The following ETV2 variants were observed in gnomAD, a reference collection of about 807,000 sequenced individuals.
ETV2 encodes the protein ETS variant transcription factor 2.
Under a neutral mutation model 35.7 loss-of-function variants are expected in ETV2, and 34 were observed. The observed-to-expected ratio is 0.95, with a 90% confidence interval of 0.72 to 1.27. The LOEUF (loss-of-function observed/expected upper bound fraction) is 1.27, where lower values mean the gene tolerates loss of function less well. Among genes scored for constraint, ETV2 ranks in the 50% most tolerant of loss-of-function variants. The probability of loss-of-function intolerance (pLI) is 0.00; values close to 1 mark genes in which losing one functional copy is unlikely to be tolerated. For synonymous variants in ETV2, 207 were observed against 203.9 expected (o/e 1.02, Z -0.13); for missense variants, 512 against 470.5 (o/e 1.09, Z -0.82).
chr19:35,644,430 C>A lies in ETV2; in HGVS notation c.828+83C>A. ...TCCGCCCAAGGGCTAGGTTCAACCG[C>A]GTAGCCCTCGGCCCCGCCGCTCCCC... is the stretch of plus-strand genomic sequence containing the variant. On this transcript the variant is annotated intron_variant, in intron 6 of 6. Coordinates refer to ENST00000402764, the MANE Select transcript of ETV2 (RefSeq NM_014209.4). The surrounding 1 kb of genome is among the most constrained non-coding windows in gnomAD (Gnocchi z 4.7). 9.6e-7 allele frequency: 1 copy of A among 1,036,328 alleles called. No homozygotes were observed. The highest frequency in any genetic ancestry group is 1.4e-6 in the Non-Finnish European group (1 of 698,974). 64.2% of individuals were successfully genotyped at this position (1,036,328 alleles called of 1,614,324 possible).
chr19:35,644,574 C>A lies in ETV2; in HGVS notation c.829-78C>A. ...GCCTCGCCCAGGTCTGCACTGCACA[C>A]CGCCCCCAGGCCCGGCCCTCCCCAC... On this transcript the variant is annotated intron_variant, in intron 6 of 6. Transcript: ENST00000402764. This position sits in a 1 kb window ranked among gnomAD's most constrained non-coding sequence, Gnocchi z 4.7. 1 of 1,413,016 alleles carries A rather than the reference C, an allele frequency of 7.1e-7. No homozygotes were observed. The highest frequency in any genetic ancestry group is 9.6e-7 in the Non-Finnish European group (1 of 1,046,502). 87.5% of individuals were successfully genotyped at this position (1,413,016 alleles called of 1,614,324 possible).
In ETV2 at chr19:35,641,802, T is replaced by A. The variant is rs1174630386; in HGVS notation, c.-382T>A. On this transcript the variant is annotated 5_prime_UTR_variant, in exon 1 of 7. It removes an upstream start codon present in the reference 5' UTR. Coordinates refer to ENST00000402764, the MANE Select transcript of ETV2 (RefSeq NM_014209.4). Reference sequence around the variant, plus strand: ...AGACCCTCTCCCCTCACTCCCCCCATGTCGCAGGATCGAGACCCTGAGGCA... The same window carrying A: ...AGACCCTCTCCCCTCACTCCCCCCAAGTCGCAGGATCGAGACCCTGAGGCA... The A allele has an allele frequency of 5.9e-5, 9 of 151,966 alleles. No homozygotes were observed. Among genetic ancestry groups the A allele is most frequent in the African/African-American group, 2.2e-4 (9 of 41,338 alleles). 9.4% of individuals were successfully genotyped at this position (151,966 alleles called of 1,614,324 possible).
In ETV2 at chr19:35,642,349, A is replaced by G; in HGVS notation, c.-27-85A>G. 1.4e-6 allele frequency: 1 copy of G among 690,770 alleles called. No individual in the cohort carries two copies. The highest frequency in any genetic ancestry group is 2.4e-6 in the Non-Finnish European group (1 of 415,388). 42.8% of individuals were successfully genotyped at this position (690,770 alleles called of 1,614,324 possible). ...GCGGAGGCCTGGACTCCTGGCTCTG[A>G]GGGAAGCTAGGGCTGGGGCCCAGAC... On this transcript the variant is annotated intron_variant, in intron 1 of 6. Coordinates refer to ENST00000402764, the MANE Select transcript of ETV2 (RefSeq NM_014209.4). This position sits in a 1 kb window ranked among gnomAD's most constrained non-coding sequence, Gnocchi z 4.4.
In ETV2 at chr19:35,644,789, C is replaced by A; in HGVS notation, c.966C>A (p.Gly322=). ...GGRKYTYRFG[G]RVPSLAYPDC... ...GAAAGTACACGTACCGCTTCGGGGG[C>A]CGCGTGCCCAGCCTAGCCTATCCGG... The change falls in exon 7 of 7, where the codon GGC becomes GGA. Residue 322 remains glycine (G), a synonymous_variant. Coordinates refer to ENST00000402764, the MANE Select transcript of ETV2 (RefSeq NM_014209.4). The surrounding 1 kb of genome is among the most constrained non-coding windows in gnomAD (Gnocchi z 4.7). 6.2e-7 allele frequency: 1 copy of A among 1,611,720 alleles called. No homozygotes were observed. Among genetic ancestry groups the A allele is most frequent in the Non-Finnish European group, 8.5e-7 (1 of 1,179,140 alleles).
Position 35,643,038 on chromosome 19 carries a change from G to A in ETV2, c.228G>A (p.Trp76Ter), listed in dbSNP as rs1423997734. The A allele has an allele frequency of 1.9e-6, 3 of 1,562,752 alleles. No homozygotes were observed. In the Admixed American group the frequency reaches 5.8e-5, roughly 30 times the overall value. ...CGTTACTGCACCCAGAAGTTCCATG[G>A]GGGGCGGGTGAGTGTGGGGAGAGGC... ...GSALLHPEVP[W>*]GAEPDSQALP... is the part of the protein sequence containing the mutation. Residue 76 changes from tryptophan to a stop codon, truncating the protein, a stop_gained, in exon 4 of 7, where the codon TGG (tryptophan) becomes TGA (stop). Coordinates refer to ENST00000402764, the MANE Select transcript of ETV2 (RefSeq NM_014209.4). LOFTEE classifies it high-confidence loss of function. This position sits in a 1 kb window ranked among gnomAD's most constrained non-coding sequence, Gnocchi z 5.0.
rs1427207501 is a variant in ETV2 at position 35,642,963 on chromosome 19, A to G, written c.155-2A>G. On this transcript the variant is annotated splice_acceptor_variant, in intron 3 of 6. Transcript: ENST00000402764. LOFTEE classifies it high-confidence loss of function. This position sits in a 1 kb window ranked among gnomAD's most constrained non-coding sequence, Gnocchi z 4.4. ...ATTGCTCACAGTCCTCCCTAAACTC[A>G]GGTACAAGCTCATCCCTGGCAAGCT... 6.4e-7 allele frequency: 1 copy of G among 1,555,432 alleles called. No individual in the cohort carries two copies. Among genetic ancestry groups the G allele is most frequent in the East Asian group, 2.3e-5 (1 of 42,778 alleles).
Position 35,644,716 on chromosome 19 carries a change from G to A in ETV2, c.893G>A (p.Gly298Asp). 1 of 1,605,750 alleles carries A rather than the reference G, an allele frequency of 6.2e-7. No individual in the cohort carries two copies. The highest frequency in any genetic ancestry group is 8.5e-7 in the Non-Finnish European group (1 of 1,175,456). Residue 298 changes from glycine to aspartate, a missense_variant, in exon 7 of 7, where the codon GGC (glycine) becomes GAC (aspartate). Transcript: ENST00000402764. This position sits in a 1 kb window ranked among gnomAD's most constrained non-coding sequence, Gnocchi z 4.7. Reference protein sequence around the residue: ...PGMNYEKLSRGLRYYYRRDIV... With the variant: ...PGMNYEKLSRDLRYYYRRDIV... Reference sequence around the variant, plus strand: ...ATGAATTACGAGAAGCTGAGCCGGGGCCTTCGCTACTACTATCGCCGCGAC... The same window carrying A: ...ATGAATTACGAGAAGCTGAGCCGGGACCTTCGCTACTACTATCGCCGCGAC...
At position 35,642,540 on chromosome 19, in the gene ETV2, C is replaced by G. The variant is rs532601843; in HGVS notation, c.70+10C>G. On this transcript the variant is annotated intron_variant, in intron 2 of 6. Transcript: ENST00000402764. This position sits in a 1 kb window ranked among gnomAD's most constrained non-coding sequence, Gnocchi z 4.4. ...AAGCTGGCAGGGCTTGGTAGGCTGC[C>G]GAGGCTGCCACAACGTGTGTGGGGA... 6.2e-7 allele frequency: 1 copy of G among 1,612,554 alleles called. No homozygotes were observed. The highest frequency in any genetic ancestry group is 8.5e-7 in the Non-Finnish European group (1 of 1,179,622).
Position 35,644,300 on chromosome 19 carries a change from C to A in ETV2, c.781C>A (p.Arg261Ser). The part of the protein sequence containing the change: ...LHDGARSSCI[R>S]WTGNSREFQL... ...CGACGGGGCGCGTAGCAGCTGCATC[C>A]GTTGGACTGGCAACAGCCGCGAGTT... Residue 261 changes from arginine to serine, a missense_variant, in exon 6 of 7, where the codon CGT becomes AGT. Arg to Ser is a moderately radical substitution (Grantham distance 110). Transcript: ENST00000402764. The surrounding 1 kb of genome is among the most constrained non-coding windows in gnomAD (Gnocchi z 4.7). 6.4e-7 allele frequency: 1 copy of A among 1,558,162 alleles called. No homozygotes were observed. Among genetic ancestry groups the A allele is most frequent in the Non-Finnish European group, 8.7e-7 (1 of 1,150,692 alleles).
Position 35,642,769 on chromosome 19 carries a change from G to C in ETV2, c.154+71G>C. ...GGCTGGGATCCTAGGGCAAAGGGAG[G>C]AGGGGGGCGTGCCTAGGTTCCTGGG... On this transcript the variant is annotated intron_variant, in intron 3 of 6. Coordinates refer to ENST00000402764, the MANE Select transcript of ETV2 (RefSeq NM_014209.4). The surrounding 1 kb of genome is among the most constrained non-coding windows in gnomAD (Gnocchi z 4.4). 1.6e-6 allele frequency: 2 copies of C among 1,286,190 alleles called. No homozygotes were observed. Among genetic ancestry groups the C allele is most frequent in the Admixed American group, 4.1e-5 (2 of 48,764 alleles). 79.7% of individuals were successfully genotyped at this position (1,286,190 alleles called of 1,614,324 possible).
chr19:35,642,199 A>G lies in ETV2; in HGVS notation c.-28+43A>G. On this transcript the variant is annotated intron_variant, in intron 1 of 6. Transcript: ENST00000402764. This position sits in a 1 kb window ranked among gnomAD's most constrained non-coding sequence, Gnocchi z 4.4. The stretch of plus-strand genomic sequence containing the variant: ...GACTAGATGCCTGGGTGTCTGGGTT[A>G]GGAAGGACCTGGGGGACTAGACTCC... The G allele has an allele frequency of 2.8e-6, 1 of 362,024 alleles. No homozygotes were observed. Among genetic ancestry groups the G allele is most frequent in the South Asian group, 4.4e-5 (1 of 22,918 alleles). The allele number at this position is 362,024 out of a possible 1,614,324, so 22.4% of individuals were successfully genotyped here.
rs780442628 is a variant in ETV2, at chr19:35,644,749, G to T, written c.926G>T (p.Arg309Leu). Reference protein sequence around the residue: ...LRYYYRRDIVRKSGGRKYTYR... With the variant: ...LRYYYRRDIVLKSGGRKYTYR... ...TACTACTATCGCCGCGACATCGTGC[G>T]CAAGAGCGGGGGGCGAAAGTACACG... is the stretch of plus-strand genomic sequence containing the variant. The change falls in exon 7 of 7, where the codon CGC becomes CTC. Residue 309 changes from arginine (R) to leucine (L), a missense_variant. By Grantham distance (102) the Arg-to-Leu change is moderately radical. Transcript: ENST00000402764. The surrounding 1 kb of genome is among the most constrained non-coding windows in gnomAD (Gnocchi z 4.7). 6.2e-7 allele frequency: 1 copy of T among 1,609,750 alleles called. No individual in the cohort carries two copies. Among genetic ancestry groups the T allele is most frequent in the Non-Finnish European group, 8.5e-7 (1 of 1,177,526 alleles).
Position 35,643,254 on chromosome 19 carries a change from G to A in ETV2, c.236-20G>A. The A allele has an allele frequency of 6.3e-7, 1 of 1,581,284 alleles. No homozygotes were observed. Among genetic ancestry groups the A allele is most frequent in the South Asian group, 1.1e-5 (1 of 87,030 alleles). On this transcript the variant is annotated intron_variant, in intron 4 of 6. Coordinates refer to ENST00000402764, the MANE Select transcript of ETV2 (RefSeq NM_014209.4). The surrounding 1 kb of genome is among the most constrained non-coding windows in gnomAD (Gnocchi z 5.0). ...GGGGCACCTGGGCTCCCCTCACTCG[G>A]GATCCGTTACTCCTCACAGAGCCCG...
Position 35,643,460 on chromosome 19 carries a change from C to T in ETV2, c.422C>T (p.Ser141Leu), listed in dbSNP as rs1435567426. 1.9e-6 allele frequency: 3 copies of T among 1,547,538 alleles called. No homozygotes were observed. Among genetic ancestry groups the T allele is most frequent in the South Asian group, 2.4e-5 (2 of 83,838 alleles). ...NCVPVAGEAT[S>L]WSRAQAAGSN... is the part of the protein sequence containing the mutation. ...GTCCCCGTGGCGGGAGAGGCCACCT[C>T]GTGGTCGCGCGCCCAGGCCGCCGGG... Residue 141 changes from serine (S) to leucine (L), a missense_variant, in exon 5 of 7, where the codon TCG (serine) becomes TTG (leucine). Coordinates refer to ENST00000402764, the MANE Select transcript of ETV2 (RefSeq NM_014209.4). This position sits in a 1 kb window ranked among gnomAD's most constrained non-coding sequence, Gnocchi z 5.0.
Position 35,642,426 on chromosome 19 carries a change from C to A in ETV2, c.-27-8C>A. 2 of 1,468,936 alleles carry A rather than the reference C, an allele frequency of 1.4e-6. No individual in the cohort carries two copies. The highest frequency in any genetic ancestry group is 2.5e-5 in the South Asian group (2 of 78,680). The allele number at this position is 1,468,936 out of a possible 1,614,324, so 91.0% of individuals were successfully genotyped here. On this transcript the variant is annotated splice_region_variant and splice_polypyrimidine_tract_variant and intron_variant, in intron 1 of 6. Transcript: ENST00000402764. The surrounding 1 kb of genome is among the most constrained non-coding windows in gnomAD (Gnocchi z 4.4). Reference sequence around the variant, plus strand: ...CACCCATTGCCATCTGGACTTTTCCCGACCCAGAACATTCAGAAGGCCTTC... The same window carrying A: ...CACCCATTGCCATCTGGACTTTTCCAGACCCAGAACATTCAGAAGGCCTTC...
chr19:35,644,697 T>C lies in ETV2; in HGVS notation c.874T>C (p.Tyr292His). Residue 292 changes from tyrosine to histidine, a missense_variant, in exon 7 of 7, where the codon TAC (tyrosine) becomes CAC (histidine). Tyr to His is a moderately conservative substitution (Grantham distance 83). Coordinates refer to ENST00000402764, the MANE Select transcript of ETV2 (RefSeq NM_014209.4). The surrounding 1 kb of genome is among the most constrained non-coding windows in gnomAD (Gnocchi z 4.7). ...GCGCAAGAGAAAGCCGGGCATGAAT[T>C]ACGAGAAGCTGAGCCGGGGCCTTCG... ...GERKRKPGMN[Y>H]EKLSRGLRYY... The C allele has an allele frequency of 6.2e-7, 1 of 1,603,300 alleles. No individual in the cohort carries two copies. The highest frequency in any genetic ancestry group is 8.5e-7 in the Non-Finnish European group (1 of 1,174,174).
chr19:35,643,084 G>A lies in ETV2; in HGVS notation c.235+39G>A. The A allele has an allele frequency of 7.4e-7, 1 of 1,343,866 alleles. No individual in the cohort carries two copies. Among genetic ancestry groups the A allele is most frequent in the Non-Finnish European group, 1.0e-6 (1 of 971,422 alleles). 83.2% of individuals were successfully genotyped at this position (1,343,866 alleles called of 1,614,324 possible). ...GAGGCGGTGGGAGGTGGGGACTGGGGTCCCGAGGCACCGGGGCTAGAGGTG... is the reference window on the plus strand; with the variant it reads ...GAGGCGGTGGGAGGTGGGGACTGGGATCCCGAGGCACCGGGGCTAGAGGTG... On this transcript the variant is annotated intron_variant, in intron 4 of 6. Transcript: ENST00000402764. The surrounding 1 kb of genome is among the most constrained non-coding windows in gnomAD (Gnocchi z 5.0).
Position 35,644,059 on chromosome 19 carries a change from A to G in ETV2, c.716-176A>G, listed in dbSNP as rs1159021109. On this transcript the variant is annotated intron_variant, in intron 5 of 6. Coordinates refer to ENST00000402764, the MANE Select transcript of ETV2 (RefSeq NM_014209.4). This position sits in a 1 kb window ranked among gnomAD's most constrained non-coding sequence, Gnocchi z 4.7. ...GAGGCCAAACTCCTAAATCTCTGAG[A>G]CTGGGGCCCTGGACGCTTGAGTCTC... is the stretch of plus-strand genomic sequence containing the variant. 1.3e-5 allele frequency among the ~76,000 whole-genome samples: 2 copies of G among 152,032 alleles called. No individual in the cohort carries two copies. Among genetic ancestry groups the G allele is most frequent in the Middle Eastern group, 3.2e-3 (1 of 316 alleles).
chr19:35,642,879 A>C lies in ETV2; in HGVS notation c.155-86A>C, dbSNP rs1967641141. 2.8e-5 allele frequency: 29 copies of C among 1,021,852 alleles called. No individual in the cohort carries two copies. The highest frequency in any genetic ancestry group is 4.0e-5 in the Non-Finnish European group (27 of 668,498). The allele number at this position is 1,021,852 out of a possible 1,614,324, so 63.3% of individuals were successfully genotyped here. On this transcript the variant is annotated intron_variant, in intron 3 of 6. Transcript: ENST00000402764. This position sits in a 1 kb window ranked among gnomAD's most constrained non-coding sequence, Gnocchi z 4.4. Reference sequence around the variant, plus strand: ...GTGCTGAAATACGGGCTGGGGGGCCATAACTCCCAGTCCCTGACAAGTAGA... The same window carrying C: ...GTGCTGAAATACGGGCTGGGGGGCCCTAACTCCCAGTCCCTGACAAGTAGA...
Sources: allele counts gnomAD v4.1 joint callset (sites outside exome capture counted in the v4.1 genomes callset), GRCh38; gene constraint gnomAD v4.1.1; non-coding constraint Gnocchi (gnomAD v3.1); transcripts MANE v1.5; gene names NCBI Gene and HGNC (gene_info 2026-07-23, HGNC 2026-07-21).